CRYBG3: variants seen among roughly 807,000 people sequenced by gnomAD.
CRYBG3 encodes crystallin beta-gamma domain containing 3.
A neutral mutation model predicts 244.2 loss-of-function variants in CRYBG3; 127 were observed. The ratio of observed to expected loss-of-function variants is 0.52; its 90% CI spans 0.45 to 0.60. CRYBG3 has a LOEUF of 0.60. CRYBG3 is among the 20% of genes least tolerant of loss of function. The probability of loss-of-function intolerance (pLI) is 0.00; values close to 1 mark genes in which losing one functional copy is unlikely to be tolerated. For synonymous variants in CRYBG3, 1,132 were observed against 1,195.8 expected (o/e 0.95, Z 1.10); for missense variants, 3,325 against 3,442.5 (o/e 0.97, Z 0.85).
At chr3:97,887,479 T>A (rs2039522507) in intron 8 of CRYBG3, among the ~76,000 whole-genome samples, 1 of 152,150 alleles carries the variant, frequency 6.6e-6, no homozygotes, top group Non-Finnish European at 1.5e-5. Flanking sequence ...TGGCCATGTG[T>A]GGTGGCTCAC....
chr3:97,875,522 AT>A lies in CRYBG3; in HGVS notation c.4331del (p.Leu1444TyrfsTer13). On this transcript the variant is annotated frameshift_variant, in exon 4 of 22. Coordinates refer to ENST00000389622, the MANE Select transcript of CRYBG3 (RefSeq NM_153605.4). LOFTEE classifies it high-confidence loss of function. The stretch of plus-strand genomic sequence containing the variant: ...CGGTTAGATGATAGGGTAAAAACAC[AT>A]TTATTTCGCAGTGAGGACTGTAATG... ...HKRLDDRVKT[H>X]LFRSEDCNET... 7.9e-7 allele frequency: 1 copy of A among 1,267,112 alleles called. No individual in the cohort carries two copies. Among genetic ancestry groups the A allele is most frequent in the South Asian group, 3.5e-5 (1 of 28,832 alleles). The allele number at this position is 1,267,112 out of a possible 1,614,324, so 78.5% of individuals were successfully genotyped here.
chr3:97,943,373 A>T lies in CRYBG3; in HGVS notation c.*59A>T. 1.0e-6 allele frequency: 1 copy of T among 983,814 alleles called. No individual in the cohort carries two copies. The highest frequency in any genetic ancestry group is 1.6e-6 in the Non-Finnish European group (1 of 624,144). 60.9% of individuals were successfully genotyped at this position (983,814 alleles called of 1,614,324 possible). On this transcript the variant is annotated 3_prime_UTR_variant, in exon 22 of 22. Transcript: ENST00000389622. ...GAGCAAAGAAGGAAACACATCTGTCATTGTCTTGTGGACGTGGAAAGGAAG... is the reference window on the plus strand; with the variant it reads ...GAGCAAAGAAGGAAACACATCTGTCTTTGTCTTGTGGACGTGGAAAGGAAG...
chr3:97,908,942 G>T (rs1292607143), intron 15 of CRYBG3, among the ~76,000 whole-genome samples: 2 of 151,966 alleles, frequency 1.3e-5, no homozygotes, highest in Admixed American at 6.5e-5. Flanking sequence ...GGGCAGGCCT[G>T]GTGGTGACAA....
intron 19 of CRYBG3, among the ~76,000 whole-genome samples, chr3:97,938,414 A>G (rs2040187751): frequency 6.6e-6 from 1 of 152,100 alleles, no homozygotes; most frequent in Non-Finnish European, 1.5e-5. Flanking sequence ...AGCCTAGTGG[A>G]TCTAAATGCT....
chr3:97,876,838 A>G lies in CRYBG3; in HGVS notation c.5644A>G (p.Lys1882Glu). 1 of 1,376,762 alleles carries G rather than the reference A, an allele frequency of 7.3e-7. No individual in the cohort carries two copies. Among genetic ancestry groups the G allele is most frequent in the Non-Finnish European group, 9.4e-7 (1 of 1,067,898 alleles). The allele number at this position is 1,376,762 out of a possible 1,614,324, so 85.3% of individuals were successfully genotyped here. A position where few individuals can be genotyped will look rare whatever the true frequency, so the allele number is the denominator to read the frequency against. Reference sequence around the variant, plus strand: ...TGGAACAGGACTAGAATTGACCACTAAACAAGGGGAGGCCATGCTTCCTGC... The same window carrying G: ...TGGAACAGGACTAGAATTGACCACTGAACAAGGGGAGGCCATGCTTCCTGC... The part of the protein sequence containing the change: ...IHGTGLELTT[K>E]QGEAMLPAFE... The change falls in exon 4 of 22, where the codon AAA (lysine) becomes GAA (glutamate). Residue 1882 changes from lysine (K) to glutamate (E), a missense_variant. By Grantham distance (56) the Lys-to-Glu change is moderately conservative. Around this residue, in one of 4 missense-constraint regions of CRYBG3, gnomAD observed 635 missense variants for 771.7 expected, o/e 0.82. Transcript: ENST00000389622.
At chr3:97,834,694 A>G (rs2038706134) in intron 1 of CRYBG3, among the ~76,000 whole-genome samples, 1 of 152,132 alleles carries the variant, frequency 6.6e-6, no homozygotes, top group Non-Finnish European at 1.5e-5. Context: ...ATGGTGTTTC[A>G]TTGTTCTAAG....
Position 97,874,045 on chromosome 3 carries a change from A to G in CRYBG3, c.2851A>G (p.Lys951Glu), listed in dbSNP as rs1373853176. ...SWILPPIHDE[K>E]ISRQMAQNCE... Reference sequence around the variant, plus strand: ...GATTTTACCACCTATTCATGATGAAAAAATCAGTAGGCAAATGGCGCAGAA... The same window carrying G: ...GATTTTACCACCTATTCATGATGAAGAAATCAGTAGGCAAATGGCGCAGAA... Residue 951 changes from lysine to glutamate, a missense_variant, in exon 4 of 22, where the codon AAA (lysine) becomes GAA (glutamate). Lys to Glu is a moderately conservative substitution (Grantham distance 56). This residue lies in a region of CRYBG3 where 1,526 missense variants were observed against 1,443.2 expected (regional missense o/e 1.06). Coordinates refer to ENST00000389622, the MANE Select transcript of CRYBG3 (RefSeq NM_153605.4). 7.2e-6 allele frequency: 11 copies of G among 1,535,760 alleles called. No homozygotes were observed. In the African/African-American group the frequency reaches 1.5e-4, roughly 21 times the overall value.
intron 3 of CRYBG3, among the ~76,000 whole-genome samples, chr3:97,868,232 C>T (rs1281098762): frequency 2.0e-5 from 3 of 147,876 alleles, no homozygotes; most frequent in Non-Finnish European, 3.0e-5. Flanking sequence ...TGCAGTGAGC[C>T]GAGATAGCAC....
intron 1 of CRYBG3, among the ~76,000 whole-genome samples, chr3:97,830,861 G>T (rs966475226): frequency 6.6e-6 from 1 of 152,110 alleles, no homozygotes; most frequent in Non-Finnish European, 1.5e-5. Context: ...ATATCTTAAC[G>T]ATTTAGAATG....
chr3:97,882,167 C>CCA (rs913143444), intron 7 of CRYBG3, among the ~76,000 whole-genome samples: 1 of 151,884 alleles, frequency 6.6e-6, no homozygotes, highest in African/African-American at 2.4e-5. Context: ...TGAGATCATG[C>CCA]CACTGCACTC....
At chr3:97,863,498 T>C (rs1298116020) in intron 2 of CRYBG3, among the ~76,000 whole-genome samples, 1 of 152,154 alleles carries the variant, frequency 6.6e-6, no homozygotes, top group Non-Finnish European at 1.5e-5. Flanking sequence ...ACATTATGTA[T>C]CAGGACTTCC....
intron 3 of CRYBG3, among the ~76,000 whole-genome samples, chr3:97,870,133 A>T (rs753115131): frequency 3.4e-4 from 51 of 152,154 alleles, no homozygotes; most frequent in Admixed American, 3.3e-4. Flanking sequence ...CTGTTTTTTT[A>T]AAAAATAATT....
rs73850189 is a variant in CRYBG3, at chr3:97,825,560, A to G, written c.149+3205A>G. 6.5e-3 allele frequency among the ~76,000 whole-genome samples: 986 copies of G among 152,318 alleles called. 8 individuals are homozygous for G. The highest frequency in any genetic ancestry group is 0.022 in the African/African-American group (901 of 41,574). ...GGGAGAGTGCTCAGTGATGGATGCT[A>G]TGGGCGTTTTGAATGGAACAATTCT... On this transcript the variant is annotated intron_variant, in intron 1 of 21. Coordinates refer to ENST00000389622, the MANE Select transcript of CRYBG3 (RefSeq NM_153605.4).
At chr3:97,831,345 G>A (rs908680382) in intron 1 of CRYBG3, among the ~76,000 whole-genome samples, 50 of 152,082 alleles carry the variant, frequency 3.3e-4, no homozygotes, top group Admixed American at 3.3e-3. Flanking sequence ...ACTAGGGAAG[G>A]GACTAGAGGT....
At chr3:97,838,906 G>A (rs1158034547) in intron 1 of CRYBG3, among the ~76,000 whole-genome samples, 3 of 152,056 alleles carry the variant, frequency 2.0e-5, no homozygotes, top group Non-Finnish European at 4.4e-5. Context: ...CTAAATGGCT[G>A]TATGTTGGAT....
chr3:97,919,447 A>G (rs1002308837), intron 17 of CRYBG3, among the ~76,000 whole-genome samples: 3 of 152,156 alleles, frequency 2.0e-5, no homozygotes, highest in Non-Finnish European at 4.4e-5. Flanking sequence ...AGAGATATAT[A>G]TCTGGAAAAA....
intron 11 of CRYBG3, 50 bp downstream of exon 11, chr3:97,893,043 CAGCACAAAAATGTGCTA>C (rs1344368303): frequency 2.0e-6 from 3 of 1,526,440 alleles, no homozygotes; most frequent in Non-Finnish European, 2.7e-6. Context: ...TTTTGAAGGT[CAGCACAAAAATGTGCTA>C]AGCAAAGCAA....
chr3:97,902,312 A>C lies in CRYBG3; in HGVS notation c.8004+1827A>C, dbSNP rs149555102. Among the ~76,000 whole-genome samples the C allele has an allele frequency of 2.2e-4, 34 of 152,298 alleles. No homozygotes were observed. In the East Asian group the frequency reaches 4.2e-3, roughly 19 times the overall value. On this transcript the variant is annotated intron_variant, in intron 15 of 21. Coordinates refer to ENST00000389622, the MANE Select transcript of CRYBG3 (RefSeq NM_153605.4). ...CAGAAAATGTATGTGTGTAGGGATT[A>C]ATATACATTATGAGTGTTATGGTGA...
At chr3:97,939,735 G>A (rs1265126392) in intron 19 of CRYBG3, among the ~76,000 whole-genome samples, 3 of 151,992 alleles carry the variant, frequency 2.0e-5, no homozygotes, top group Non-Finnish European at 4.4e-5. Flanking sequence ...CAGTAGATCC[G>A]GCTGAATTAT....
Sources: allele counts gnomAD v4.1 joint callset (sites outside exome capture counted in the v4.1 genomes callset), GRCh38; gene constraint gnomAD v4.1.1; regional missense constraint gnomAD v4.1.1; transcripts MANE v1.5; gene names NCBI Gene and HGNC (gene_info 2026-07-23, HGNC 2026-07-21).